Variants in PPP4R2 observed in about 807,000 individuals in gnomAD.
The protein encoded by PPP4R2 is protein phosphatase 4 regulatory subunit 2, also known as serine/threonine-protein phosphatase 4 regulatory subunit 2.
PPP4R2 carries 13 observed loss-of-function variants against 47.2 expected under a neutral mutation model. The observed-to-expected ratio is 0.28, with a 90% CI of 0.18 to 0.44. The LOEUF (loss-of-function observed/expected upper bound fraction) is 0.44, where lower values mean the gene tolerates loss of function less well. Among genes scored for constraint, PPP4R2 ranks in the 20% least tolerant of loss-of-function variants. PPP4R2 has a pLI of 1.00. For missense variants in PPP4R2, 421 were observed against 491.2 expected (o/e 0.86, Z 1.35); for synonymous variants, 151 against 163.3 (o/e 0.92, Z 0.57).
intron 2 of PPP4R2, among the ~76,000 whole-genome samples, chr3:73,012,943 C>T (rs1349434715): frequency 2.8e-5 from 4 of 143,340 alleles, no homozygotes; most frequent in Non-Finnish European, 4.5e-5. Context: ...CCAGTGAATA[C>T]TAGTGGTGAA....
intron 3 of PPP4R2, among the ~76,000 whole-genome samples, chr3:73,051,048 G>A (rs758640178): frequency 3.9e-5 from 6 of 152,062 alleles, no homozygotes; most frequent in Non-Finnish European, 7.4e-5. Flanking sequence ...CCGAGTAGCC[G>A]CGTTTACTGG....
intron 2 of PPP4R2, among the ~76,000 whole-genome samples, chr3:73,019,169 G>C (rs1243820450): frequency 1.3e-5 from 2 of 152,102 alleles, no homozygotes; most frequent in Non-Finnish European, 2.9e-5. Flanking sequence ...CAGGTTTGCA[G>C]GCTAGGAGCA....
Position 73,064,986 on chromosome 3 carries a change from A to G in PPP4R2, c.773A>G (p.Glu258Gly). ...TTTGACAAAGAAGGTGAAGTCAGAG[A>G]AACAGCCAGTCAAACGACTTCCAGC... ...LRFDKEGEVR[E>G]TASQTTSSEI... The change falls in exon 8 of 9, where the codon GAA becomes GGA. Residue 258 changes from glutamate (E) to glycine (G), a missense_variant. Coordinates refer to ENST00000356692, the MANE Select transcript of PPP4R2 (RefSeq NM_174907.4). The G allele has an allele frequency of 6.2e-7, 1 of 1,613,936 alleles. No homozygotes were observed. Among genetic ancestry groups the G allele is most frequent in the Non-Finnish European group, 8.5e-7 (1 of 1,179,828 alleles).
intron 2 of PPP4R2, among the ~76,000 whole-genome samples, chr3:73,032,319 C>T (rs572086214): frequency 1.9e-4 from 29 of 151,018 alleles, no homozygotes; most frequent in Non-Finnish European, 4.1e-4. Context: ...GAGTCTCGCT[C>T]TGCTGCCAGG....
chr3:73,040,892 G>C (rs1702365424), intron 2 of PPP4R2, among the ~76,000 whole-genome samples: 1 of 152,080 alleles, frequency 6.6e-6, no homozygotes, highest in Non-Finnish European at 1.5e-5. Context: ...CTCAAAGACT[G>C]TTTGTCCCAT....
At chr3:73,049,588 A>G (rs942954570) in intron 3 of PPP4R2, among the ~76,000 whole-genome samples, 1 of 152,124 alleles carries the variant, frequency 6.6e-6, no homozygotes, top group Non-Finnish European at 1.5e-5. Context: ...TTTTATTTCA[A>G]TAAATTATGG....
At position 73,066,780 on chromosome 3, in the gene PPP4R2, G is replaced by C. The variant is rs914829562; in HGVS notation, c.*1058G>C. On this transcript the variant is annotated 3_prime_UTR_variant, in exon 9 of 9. Coordinates refer to ENST00000356692, the MANE Select transcript of PPP4R2 (RefSeq NM_174907.4). ...ATATATTACTTTAGTATGTACCTGA[G>C]CTAAATGACTGAAGCTTTAGGGGTG... The C allele has an allele frequency of 2.0e-5, 3 of 152,012 alleles. No individual in the cohort carries two copies. Among genetic ancestry groups the C allele is most frequent in the Non-Finnish European group, 4.4e-5 (3 of 67,936 alleles). The allele number at this position is 152,012 out of a possible 1,614,324, so 9.4% of individuals were successfully genotyped here.
chr3:73,055,344 T>C (rs981201864), intron 3 of PPP4R2, among the ~76,000 whole-genome samples: 1 of 151,916 alleles, frequency 6.6e-6, no homozygotes, highest in African/African-American at 2.4e-5. Flanking sequence ...AACCCTTGTT[T>C]TCAGACAAGA....
intron 3 of PPP4R2, among the ~76,000 whole-genome samples, chr3:73,058,491 G>A (rs925301170): frequency 5.9e-5 from 9 of 151,662 alleles, no homozygotes; most frequent in African/African-American, 1.7e-4. Flanking sequence ...TGTTGATTTT[G>A]GGTGTTCTAA....
intron 2 of PPP4R2, among the ~76,000 whole-genome samples, chr3:73,019,960 G>C (rs1019975042): frequency 6.6e-6 from 1 of 151,910 alleles, no homozygotes; most frequent in African/African-American, 2.4e-5. Context: ...CAAGGTGTAG[G>C]CTTCTTCTAG....
chr3:73,007,135 TA>T (rs1453925608), intron 2 of PPP4R2, among the ~76,000 whole-genome samples: 1 of 152,212 alleles, frequency 6.6e-6, no homozygotes, highest in African/African-American at 2.4e-5. Context: ...CCCTCATTTA[TA>T]AAATGAGATA....
intron 2 of PPP4R2, among the ~76,000 whole-genome samples, chr3:73,031,992 A>G (rs1382723791): frequency 6.6e-6 from 1 of 152,166 alleles, no homozygotes; most frequent in African/African-American, 2.4e-5. Flanking sequence ...GGGGAAACAG[A>G]GAGGCTAGGG....
rs1040557902 is a variant in PPP4R2 at position 73,018,433 on chromosome 3, GTTATGTTATGTTATGTTAT to G, written c.116+20289_116+20307del. On this transcript the variant is annotated intron_variant, in intron 2 of 8. Transcript: ENST00000356692. ...GTTATGTTATGTTATGTTATGTTAT[GTTATGTTATGTTATGTTAT>G]TTATGTTATGTTAGTATCCGAAACA... Among the ~76,000 whole-genome samples, 10 of 102,636 alleles carry G rather than the reference GTTATGTTATGTTATGTTAT, an allele frequency of 9.7e-5. No individual in the cohort carries two copies. In the South Asian group the frequency reaches 1.1e-3, roughly 11 times the overall value. 67.3% of individuals were successfully genotyped at this position (102,636 alleles called of 152,430 possible).
chr3:73,042,960 C>T (rs1702409825), intron 2 of PPP4R2, among the ~76,000 whole-genome samples: 2 of 152,086 alleles, frequency 1.3e-5, no homozygotes, highest in Non-Finnish European at 2.9e-5. Flanking sequence ...TACCTGGGAT[C>T]CCATACCTCT....
chr3:73,048,677 G>A (rs1449310245), intron 3 of PPP4R2, among the ~76,000 whole-genome samples: 1 of 152,248 alleles, frequency 6.6e-6, no homozygotes, highest in Non-Finnish European at 1.5e-5. Flanking sequence ...ATAATGAATT[G>A]TGGTTTTTCT....
Position 73,015,878 on chromosome 3 carries a change from T to C in PPP4R2, c.116+17720T>C, listed in dbSNP as rs9814499. 6.4e-4 allele frequency: 242 copies of C among 380,252 alleles called. 1 individual carries two copies. The highest frequency in any genetic ancestry group is 4.9e-3 in the African/African-American group (227 of 46,572). 23.6% of individuals were successfully genotyped at this position (380,252 alleles called of 1,614,324 possible). On this transcript the variant is annotated intron_variant, in intron 2 of 8. Transcript: ENST00000356692. ...CGGTCTCGATCTCCTGACCTCGTGATCTACCTGCTTTGGCCTCCCAAAGTG... is the reference window on the plus strand; with the variant it reads ...CGGTCTCGATCTCCTGACCTCGTGACCTACCTGCTTTGGCCTCCCAAAGTG...
intron 2 of PPP4R2, among the ~76,000 whole-genome samples, chr3:73,045,526 A>ATTTTTTTT (rs10659714): frequency 1.6e-3 from 217 of 139,362 alleles, no homozygotes; most frequent in East Asian, 3.9e-3. Context: ...CATTCTCCTA[A>ATTTTTTTT]TTTTTTTTTT....
chr3:73,042,725 C>G (rs1028794353), intron 2 of PPP4R2, among the ~76,000 whole-genome samples: 1 of 152,108 alleles, frequency 6.6e-6, no homozygotes, highest in African/African-American at 2.4e-5. Flanking sequence ...TAGTTGTCCT[C>G]CATCAAAAAG....
chr3:73,011,025 C>T (rs146420808), intron 2 of PPP4R2, among the ~76,000 whole-genome samples: 1 of 151,678 alleles, frequency 6.6e-6, no homozygotes, highest in Non-Finnish European at 1.5e-5. Context: ...GGTTGTACAG[C>T]TAAGTAATGG....
Sources: allele counts gnomAD v4.1 joint callset (sites outside exome capture counted in the v4.1 genomes callset), GRCh38; gene constraint gnomAD v4.1.1; transcripts MANE v1.5; gene names NCBI Gene and HGNC (gene_info 2026-07-23, HGNC 2026-07-21).